The following HS3ST3B1 variants were observed in gnomAD, a reference collection of about 807,000 sequenced individuals.
HS3ST3B1 encodes the protein heparan sulfate glucosamine 3-O-sulfotransferase 3B1.
HS3ST3B1 carries 13 observed loss-of-function variants against 21.3 expected under a neutral mutation model. The ratio of observed to expected loss-of-function variants is 0.61; its 90% CI spans 0.40 to 0.97. HS3ST3B1 has a LOEUF of 0.97. HS3ST3B1 is among the 50% of genes least tolerant of loss of function. The probability of loss-of-function intolerance (pLI) is 0.00; values close to 1 mark genes in which losing one functional copy is unlikely to be tolerated. For synonymous variants in HS3ST3B1, 234 were observed against 254.8 expected (o/e 0.92, Z 0.78); for missense variants, 459 against 554.8 (o/e 0.83, Z 1.73).
rs761567556 is a variant in HS3ST3B1 at position 14,301,580 on chromosome 17, A to AGCC, written c.72_74dup (p.Pro28dup). ...GATGTCCCCGGCCGGCTCCTACCGC[A>AGCC]GCCGCCGCCGCCCCCGCCGCCGGTG... On this transcript the variant is annotated inframe_insertion, in exon 1 of 2. Transcript: ENST00000360954. The AGCC allele has an allele frequency of 2.5e-6, 4 of 1,598,466 alleles. No homozygotes were observed. The highest frequency in any genetic ancestry group is 1.7e-4 in the Middle Eastern group (1 of 6,030).
chr17:14,333,972 C>T (rs1910105305), intron 1 of HS3ST3B1, among the ~76,000 whole-genome samples: 1 of 152,194 alleles, frequency 6.6e-6, no homozygotes, highest in African/African-American at 2.4e-5. Flanking sequence ...GTTGGTCAGG[C>T]TGGTCTTGAA....
chr17:14,322,690 C>A (rs1407319833), intron 1 of HS3ST3B1, among the ~76,000 whole-genome samples: 2 of 152,022 alleles, frequency 1.3e-5, no homozygotes, highest in East Asian at 3.9e-4. Flanking sequence ...TGGCCGAAAT[C>A]TAGAAAACCT....
intron 1 of HS3ST3B1, among the ~76,000 whole-genome samples, chr17:14,339,155 T>C (rs1247017274): frequency 6.6e-6 from 1 of 152,150 alleles, no homozygotes; most frequent in Non-Finnish European, 1.5e-5. Flanking sequence ...TATCCCTTCC[T>C]GCCCACGTGG....
intron 1 of HS3ST3B1, among the ~76,000 whole-genome samples, chr17:14,302,923 G>A (rs986279806): frequency 1.3e-5 from 2 of 152,220 alleles, no homozygotes; most frequent in African/African-American, 2.4e-5. Context: ...CCCATTGATT[G>A]AGAAATGAGG....
chr17:14,330,631 T>C (rs9915168), intron 1 of HS3ST3B1, among the ~76,000 whole-genome samples: 7,726 of 151,492 alleles, frequency 0.051, 233 homozygotes, highest in Middle Eastern at 0.095. Context: ...CTGTGTTGAC[T>C]GGTGTTGCAG....
At chr17:14,304,864 T>A (rs924110470) in intron 1 of HS3ST3B1, 5 of 152,238 alleles carry the variant, frequency 3.3e-5, no homozygotes, top group African/African-American at 7.2e-5. Context: ...AGTCTGAGGA[T>A]CAGCATCGTA....
intron 1 of HS3ST3B1, among the ~76,000 whole-genome samples, chr17:14,333,547 A>G (rs1179890489): frequency 6.6e-6 from 1 of 151,854 alleles, no homozygotes; most frequent in African/African-American, 2.4e-5. Flanking sequence ...AACTGGCCTC[A>G]GTTCTTAATA....
chr17:14,318,065 C>T (rs1042447950), intron 1 of HS3ST3B1, among the ~76,000 whole-genome samples: 4 of 152,098 alleles, frequency 2.6e-5, no homozygotes, highest in Non-Finnish European at 5.9e-5. Flanking sequence ...ATTGCCCCTG[C>T]GGAATCCACA....
At chr17:14,329,523 A>C (rs1909933994) in intron 1 of HS3ST3B1, 1 of 151,736 alleles carries the variant, frequency 6.6e-6, no homozygotes, top group Admixed American at 6.6e-5. Flanking sequence ...AGAAAGAAGA[A>C]AGAAAAAGAA....
rs144191311 is a variant in HS3ST3B1, at chr17:14,329,367, A to AAAGGAAGGAAGG, written c.555-15647_555-15636dup. ...AAAGAAAGAAAGAAAGAAAGAAAGA[A>AAAGGAAGGAAGG]AAGGAAGGAAGGAAGGAAGGAAGGA... On this transcript the variant is annotated intron_variant, in intron 1 of 1. Transcript: ENST00000360954. 8.8e-4 allele frequency: 93 copies of AAAGGAAGGAAGG among 106,224 alleles called. 1 individual carries two copies. Among genetic ancestry groups the AAAGGAAGGAAGG allele is most frequent in the African/African-American group, 3.0e-3 (80 of 27,110 alleles). 6.6% of individuals were successfully genotyped at this position (106,224 alleles called of 1,614,324 possible).
chr17:14,304,398 A>G (rs2142321721), intron 1 of HS3ST3B1: 1 of 152,366 alleles, frequency 6.6e-6, no homozygotes, highest in Non-Finnish European at 1.5e-5. Flanking sequence ...GAGTTGGTGG[A>G]TATTTTCCAA....
In HS3ST3B1 at chr17:14,345,835, C is replaced by T. The variant is rs1344164057; in HGVS notation, c.*189C>T. On this transcript the variant is annotated 3_prime_UTR_variant, in exon 2 of 2. Coordinates refer to ENST00000360954, the MANE Select transcript of HS3ST3B1 (RefSeq NM_006041.3). ...TCTGTTAACATTCCAAAGTGTTTAA[C>T]TCTAGTATTTCGTTCTCTTCTTCAC... 1 of 738,150 alleles carries T rather than the reference C, an allele frequency of 1.4e-6. No individual in the cohort carries two copies. Among genetic ancestry groups the T allele is most frequent in the Admixed American group, 3.6e-5 (1 of 27,684 alleles). 45.7% of individuals were successfully genotyped at this position (738,150 alleles called of 1,614,324 possible). A position where few individuals can be genotyped will look rare whatever the true frequency, so the allele number is the denominator to read the frequency against.
chr17:14,334,254 A>G lies in HS3ST3B1; in HGVS notation c.555-10774A>G, dbSNP rs190634975. On this transcript the variant is annotated intron_variant, in intron 1 of 1. Coordinates refer to ENST00000360954, the MANE Select transcript of HS3ST3B1 (RefSeq NM_006041.3). ...GGGAGAAGAATCTTTGCTAGATTCCAGTGTTTTTTCATGGTTTTTTTTTTT... is the reference window on the plus strand; with the variant it reads ...GGGAGAAGAATCTTTGCTAGATTCCGGTGTTTTTTCATGGTTTTTTTTTTT... Among the ~76,000 whole-genome samples the G allele has an allele frequency of 9.5e-4, 142 of 149,258 alleles. 2 individuals carry two copies. Among genetic ancestry groups the G allele is most frequent in the East Asian group, 7.7e-4 (4 of 5,172 alleles).
chr17:14,342,429 G>C (rs1160147189), intron 1 of HS3ST3B1, among the ~76,000 whole-genome samples: 1 of 151,820 alleles, frequency 6.6e-6, no homozygotes, highest in Non-Finnish European at 1.5e-5. Flanking sequence ...TCAAAGCTTA[G>C]TATCCACTTA....
chr17:14,331,767 A>G (rs934955194), intron 1 of HS3ST3B1, among the ~76,000 whole-genome samples: 1 of 152,136 alleles, frequency 6.6e-6, no homozygotes, highest in Non-Finnish European at 1.5e-5. Flanking sequence ...AAACCCTCCC[A>G]AAGGAGTTCT....
At chr17:14,312,277 G>A (rs1909330673) in intron 1 of HS3ST3B1, among the ~76,000 whole-genome samples, 1 of 152,000 alleles carries the variant, frequency 6.6e-6, no homozygotes, top group Admixed American at 6.6e-5. Context: ...TCTGTAGGTG[G>A]CTCTACCTCT....
chr17:14,308,911 G>A (rs1165863236), intron 1 of HS3ST3B1, among the ~76,000 whole-genome samples: 1 of 152,180 alleles, frequency 6.6e-6, no homozygotes, highest in Non-Finnish European at 1.5e-5. Context: ...ATAAAATGCT[G>A]AAAGATGGTT....
intron 1 of HS3ST3B1, among the ~76,000 whole-genome samples, chr17:14,311,596 T>C (rs1024829105): frequency 2.6e-5 from 4 of 152,186 alleles, no homozygotes; most frequent in Non-Finnish European, 5.9e-5. Context: ...ATGTACATTG[T>C]TTAGGGTTGG....
Position 14,345,280 on chromosome 17 carries a change from C to A in HS3ST3B1, c.807C>A (p.Ser269Arg). The change falls in exon 2 of 2, where the codon AGC becomes AGA. Residue 269 changes from serine (S) to arginine (R), a missense_variant. Coordinates refer to ENST00000360954, the MANE Select transcript of HS3ST3B1 (RefSeq NM_006041.3). Reference sequence around the variant, plus strand: ...CGGGCCTCATCGACACGTCGTGGAGCGCCATCCAGATCGGCATCTACGCCA... The same window carrying A: ...CGGGCCTCATCGACACGTCGTGGAGAGCCATCCAGATCGGCATCTACGCCA... ...RTAGLIDTSW[S>R]AIQIGIYAKH... 3.4e-6 allele frequency: 4 copies of A among 1,191,946 alleles called. No homozygotes were observed. Among genetic ancestry groups the A allele is most frequent in the Non-Finnish European group, 4.8e-6 (4 of 835,088 alleles). 73.8% of individuals were successfully genotyped at this position (1,191,946 alleles called of 1,614,324 possible). A position where few individuals can be genotyped will look rare whatever the true frequency, so the allele number is the denominator to read the frequency against.
Sources: gnomAD v4.1 joint callset for allele counts (sites outside exome capture counted in the v4.1 genomes callset) on GRCh38, gnomAD v4.1.1 for gene constraint, MANE v1.5 for transcripts, NCBI Gene and HGNC (gene_info 2026-07-23, HGNC 2026-07-21) for gene names.